The following STK3 variants were observed in gnomAD, a reference collection of about 807,000 sequenced individuals.
The protein encoded by STK3 is serine/threonine-protein kinase 3.
In STK3, 41 loss-of-function variants were observed where a neutral mutation model predicts 58.0. The ratio of observed to expected loss-of-function variants is 0.71; its 90% CI spans 0.55 to 0.92. The LOEUF (loss-of-function observed/expected upper bound fraction) is 0.92, where lower values mean the gene tolerates loss of function less well. Among genes scored for constraint, STK3 ranks in the 40% least tolerant of loss-of-function variants. STK3 has a pLI of 0.00. For missense variants in STK3, 479 were observed against 602.7 expected, an observed-to-expected ratio of 0.79 and a Z score of 2.15; for synonymous variants, 170 against 191.0, an observed-to-expected ratio of 0.89 and a Z score of 0.91.
At chr8:98,733,947 C>A (rs1423366309) in intron 4 of STK3, among the ~76,000 whole-genome samples, 1 of 152,148 alleles carries the variant, frequency 6.6e-6, no homozygotes. Flanking sequence ...ACTCACAGTT[C>A]CACAGGCTGT....
intron 2 of STK3, among the ~76,000 whole-genome samples, chr8:98,374,783 A>G (rs1487565083): frequency 6.6e-6 from 1 of 152,230 alleles, no homozygotes; most frequent in Non-Finnish European, 1.5e-5. Flanking sequence ...ATGAGAATGC[A>G]GGAGAAAATG....
At position 98,662,691 on chromosome 8, in the gene STK3, A is replaced by T. The variant is rs535033205; in HGVS notation, c.684+43776T>A. ...AAGCTGTATTTCTTTTTTTTTTTTT[A>T]AACTTTAAGTTTTAGGGTACATGTG... On this transcript the variant is annotated intron_variant, in intron 6 of 10. Transcript: ENST00000419617. 1.5e-4 allele frequency among the ~76,000 whole-genome samples: 23 copies of T among 150,460 alleles called. No individual in the cohort carries two copies. In the East Asian group the frequency reaches 2.9e-3, roughly 19 times the overall value.
At chr8:98,355,693 G>T in the STK3 span, among the ~76,000 whole-genome samples, 1 of 152,302 alleles carries the variant, frequency 6.6e-6, no homozygotes, top group South Asian at 2.1e-4. Flanking sequence ...TGAGGCCAGG[G>T]CCCAGAAGGG....
At chr8:98,893,284 G>A (rs1838267262) in intron 1 of STK3, among the ~76,000 whole-genome samples, 1 of 151,700 alleles carries the variant, frequency 6.6e-6, no homozygotes, top group Non-Finnish European at 1.5e-5. Context: ...AGCTACTCAG[G>A]AGGCTGAGGC....
chr8:98,600,233 T>C (rs1266571456), intron 6 of STK3, among the ~76,000 whole-genome samples: 2 of 152,170 alleles, frequency 1.3e-5, no homozygotes, highest in Non-Finnish European at 2.9e-5. Flanking sequence ...GCTGGTATTC[T>C]GGAAGTACAA....
intron 1 of STK3, among the ~76,000 whole-genome samples, chr8:98,812,682 T>C (rs911767238): frequency 6.6e-6 from 1 of 152,358 alleles, no homozygotes; most frequent in South Asian, 2.1e-4. Context: ...GTGGCACATA[T>C]ACACCATGGA....
downstream of STK3, among the ~76,000 whole-genome samples, chr8:98,400,090 G>T (rs563345884): frequency 5.3e-5 from 8 of 152,086 alleles, no homozygotes; most frequent in African/African-American, 1.9e-4. Flanking sequence ...TGACACTCAG[G>T]CTCCCTCCAG....
intron 1 of STK3, among the ~76,000 whole-genome samples, chr8:98,439,874 G>A (rs941134496): frequency 1.3e-5 from 2 of 152,198 alleles, no homozygotes; most frequent in African/African-American, 2.4e-5. Flanking sequence ...AGCTGGCAGC[G>A]CATGTGCTGG....
chr8:98,682,337 T>C (rs1441914349), intron 6 of STK3, among the ~76,000 whole-genome samples: 2 of 152,190 alleles, frequency 1.3e-5, no homozygotes, highest in Non-Finnish European at 2.9e-5. Flanking sequence ...AACAGGAACA[T>C]ATTTTCAGTG....
chr8:98,738,874 G>A (rs923706015), intron 4 of STK3, among the ~76,000 whole-genome samples: 3 of 152,192 alleles, frequency 2.0e-5, no homozygotes, highest in African/African-American at 7.2e-5. Flanking sequence ...TGGAAAATCG[G>A]GTCACTCCCA....
chr8:98,814,844 C>G (rs1652482144), intron 1 of STK3, among the ~76,000 whole-genome samples: 1 of 152,046 alleles, frequency 6.6e-6, no homozygotes, highest in South Asian at 2.1e-4. Flanking sequence ...CCATGCCCAG[C>G]TAATTTTTGT....
At chr8:98,941,467 G>A (rs551068817) in intron 1 of STK3, among the ~76,000 whole-genome samples, 2 of 152,378 alleles carry the variant, frequency 1.3e-5, no homozygotes, top group South Asian at 4.1e-4. Context: ...GAAGGGAGGC[G>A]AGTCCCCGGA....
chr8:98,562,071 T>C (rs1185884272), intron 8 of STK3, among the ~76,000 whole-genome samples: 1 of 152,188 alleles, frequency 6.6e-6, no homozygotes, highest in Non-Finnish European at 1.5e-5. Flanking sequence ...TTAGTAGGAA[T>C]ATAAAATGAT....
intron 3 of STK3, among the ~76,000 whole-genome samples, chr8:98,751,634 T>C (rs373505163): frequency 1.3e-3 from 191 of 152,306 alleles, no homozygotes; most frequent in African/African-American, 4.3e-3. Context: ...AAACATTCCA[T>C]GCTCAGGGAT....
chr8:98,574,725 G>C (rs1403233808), intron 8 of STK3, among the ~76,000 whole-genome samples: 2 of 152,126 alleles, frequency 1.3e-5, no homozygotes, highest in Non-Finnish European at 2.9e-5. Flanking sequence ...ACCACAGGAA[G>C]CAGGCTGAGA....
intron 4 of STK3, among the ~76,000 whole-genome samples, chr8:98,717,752 T>A (rs1827124465): frequency 6.6e-6 from 1 of 152,220 alleles, no homozygotes; most frequent in South Asian, 2.1e-4. Context: ...ACACCCATGT[T>A]CATAGTAGCA....
At chr8:98,539,870 C>T (rs1214532317) in intron 9 of STK3, among the ~76,000 whole-genome samples, 1 of 152,168 alleles carries the variant, frequency 6.6e-6, no homozygotes, top group Admixed American at 6.5e-5. Flanking sequence ...TCTCCTGCCT[C>T]AGCCTCCTGG....
the STK3 span, among the ~76,000 whole-genome samples, chr8:98,361,906 G>A: frequency 2.6e-5 from 4 of 152,166 alleles, no homozygotes; most frequent in African/African-American, 9.7e-5. Flanking sequence ...AGGGCACCTA[G>A]CATTTTGAAC....
At chr8:98,649,013 T>C (rs1019226572) in intron 6 of STK3, among the ~76,000 whole-genome samples, 8 of 149,420 alleles carry the variant, frequency 5.4e-5, no homozygotes, top group Admixed American at 3.4e-4. Flanking sequence ...GCCAAGATTG[T>C]GCACTGCACT....
Sources: allele counts gnomAD v4.1 joint callset (sites outside exome capture counted in the v4.1 genomes callset), GRCh38; gene constraint gnomAD v4.1.1; transcripts MANE v1.5; gene names NCBI Gene and HGNC (gene_info 2026-07-23, HGNC 2026-07-21).